FSTL5: variants seen among roughly 807,000 people sequenced by gnomAD.
FSTL5 encodes follistatin-related protein 5.
Under a neutral mutation model 89.1 loss-of-function variants are expected in FSTL5, and 62 were observed. The observed-to-expected ratio is 0.70, with a 90% CI of 0.57 to 0.86. FSTL5 has a LOEUF of 0.86. Ranked by LOEUF, FSTL5 falls within the 40% of genes least tolerant of loss-of-function variation. The pLI, the probability that FSTL5 is intolerant of heterozygous loss-of-function variation, is 0.00. For synonymous variants in FSTL5, 383 were observed against 346.2 expected, an observed-to-expected ratio of 1.11 and a Z score of -1.18; for missense variants, 1,057 against 1,001.6, an observed-to-expected ratio of 1.06 and a Z score of -0.75.
At chr4:161,473,627 T>C (rs1198764288) in intron 13 of FSTL5, among the ~76,000 whole-genome samples, 1 of 152,066 alleles carries the variant, frequency 6.6e-6, no homozygotes, top group Non-Finnish European at 1.5e-5. Flanking sequence ...AGACACCATC[T>C]CACTATGTTG....
chr4:161,476,542 A>T (rs778917260), intron 13 of FSTL5, among the ~76,000 whole-genome samples: 1 of 152,064 alleles, frequency 6.6e-6, no homozygotes, highest in Non-Finnish European at 1.5e-5. Flanking sequence ...ATTGTAGGCC[A>T]TCTCTGTTCC....
At chr4:161,468,538 G>A (rs1733827588) in intron 13 of FSTL5, among the ~76,000 whole-genome samples, 1 of 152,080 alleles carries the variant, frequency 6.6e-6, no homozygotes, top group African/African-American at 2.4e-5. Flanking sequence ...CCCAGAGCAT[G>A]TGGAAAGAAA....
intron 7 of FSTL5, among the ~76,000 whole-genome samples, chr4:161,639,775 G>T (rs1441258022): frequency 1.3e-5 from 2 of 152,114 alleles, no homozygotes; most frequent in Non-Finnish European, 2.9e-5. Context: ...AGGAGCCATG[G>T]CTGGGAAAGG....
chr4:161,529,916 T>C (rs1156993618), intron 10 of FSTL5, among the ~76,000 whole-genome samples: 1 of 143,106 alleles, frequency 7.0e-6, no homozygotes, highest in Non-Finnish European at 1.5e-5. Flanking sequence ...AAATAATTAC[T>C]AATCGATGAC....
chr4:161,412,728 A>G (rs1731635668), intron 15 of FSTL5, among the ~76,000 whole-genome samples: 1 of 152,150 alleles, frequency 6.6e-6, no homozygotes, highest in Non-Finnish European at 1.5e-5. Flanking sequence ...GCATAGATCA[A>G]TGGAACACAA....
intron 8 of FSTL5, among the ~76,000 whole-genome samples, chr4:161,559,105 C>T (rs1732496525): frequency 6.6e-6 from 1 of 151,874 alleles, no homozygotes; most frequent in African/African-American, 2.4e-5. Flanking sequence ...TTCTCCGTTT[C>T]TCAGATTAAT....
chr4:162,158,784 TA>T (rs1733580976), intron 1 of FSTL5, among the ~76,000 whole-genome samples: 1 of 152,124 alleles, frequency 6.6e-6, no homozygotes, highest in Non-Finnish European at 1.5e-5. Context: ...CTGATATCAA[TA>T]AAATATATAT....
Position 161,929,503 on chromosome 4 carries a change from A to C in FSTL5, c.161-8851T>G, listed in dbSNP as rs1025294545. 2.1e-4 allele frequency among the ~76,000 whole-genome samples: 32 copies of C among 151,714 alleles called. 1 individual carries two copies. The highest frequency in any genetic ancestry group is 7.3e-4 in the African/African-American group (30 of 41,342). On this transcript the variant is annotated intron_variant, in intron 3 of 15. Coordinates refer to ENST00000306100, the MANE Select transcript of FSTL5 (RefSeq NM_020116.5). ...TCCGTTTGTCTATATCTAAAAAGTA[A>C]GCTGGGATTTTCAATTGTGTGATAT...
Position 161,579,148 on chromosome 4 carries a change from C to T in FSTL5, c.1015+8307G>A, listed in dbSNP as rs180855498. On this transcript the variant is annotated intron_variant, in intron 8 of 15. Transcript: ENST00000306100. ...AATATACTGTGTGTTTTATAACATA[C>T]GTAGAAGTTAAATGTTTGATAATAT... 1.6e-3 allele frequency among the ~76,000 whole-genome samples: 246 copies of T among 151,914 alleles called. 1 individual carries two copies. The highest frequency in any genetic ancestry group is 5.6e-3 in the African/African-American group (230 of 41,438).
At chr4:161,938,417 C>T (rs940731706) in intron 3 of FSTL5, among the ~76,000 whole-genome samples, 3 of 151,844 alleles carry the variant, frequency 2.0e-5, no homozygotes, top group Non-Finnish European at 4.4e-5. Flanking sequence ...TAGATGTATG[C>T]CATTTAAAAG....
intron 8 of FSTL5, among the ~76,000 whole-genome samples, chr4:161,554,461 C>T (rs76195650): frequency 0.075 from 11,308 of 151,504 alleles, 526 homozygotes; most frequent in Middle Eastern, 0.17. Flanking sequence ...ATACACTGAT[C>T]TTTCTTTAGA....
chr4:161,429,240 C>T (rs992403762), intron 15 of FSTL5, among the ~76,000 whole-genome samples: 1 of 152,038 alleles, frequency 6.6e-6, no homozygotes, highest in Non-Finnish European at 1.5e-5. Context: ...CATGCTAGAC[C>T]CTGGCTCTCA....
At chr4:162,032,431 A>G (rs187252071) in intron 3 of FSTL5, 39 of 152,318 alleles carry the variant, frequency 2.6e-4, no homozygotes, top group African/African-American at 9.4e-4. Flanking sequence ...TTCGCATATA[A>G]AATAACAAGC....
intron 8 of FSTL5, among the ~76,000 whole-genome samples, chr4:161,569,213 A>G (rs536649159): frequency 1.4e-4 from 21 of 152,290 alleles, no homozygotes; most frequent in African/African-American, 4.1e-4. Context: ...ACTAGCCTCA[A>G]TGTTCCCTCC....
At chr4:162,068,367 A>G (rs2111302205) in intron 2 of FSTL5, among the ~76,000 whole-genome samples, 1 of 152,232 alleles carries the variant, frequency 6.6e-6, no homozygotes, top group South Asian at 2.1e-4. Context: ...AGACCAATGG[A>G]ACAGAATAGA....
chr4:161,637,398 T>C (rs887633717), intron 7 of FSTL5, among the ~76,000 whole-genome samples: 2 of 136,148 alleles, frequency 1.5e-5, no homozygotes, highest in African/African-American at 2.9e-5. Context: ...AAAAATTTTC[T>C]CCCATTTTGT....
chr4:161,457,478 T>A (rs1733397825), intron 14 of FSTL5, among the ~76,000 whole-genome samples: 1 of 152,176 alleles, frequency 6.6e-6, no homozygotes, highest in Non-Finnish European at 1.5e-5. Flanking sequence ...TCCAGAAGGC[T>A]GTTTTCTGTG....
intron 15 of FSTL5, among the ~76,000 whole-genome samples, chr4:161,431,785 C>T (rs1732384358): frequency 6.6e-6 from 1 of 151,838 alleles, no homozygotes; most frequent in South Asian, 2.1e-4. Context: ...TATTTTCTGC[C>T]AATGGAAACC....
chr4:161,661,626 A>G (rs1736715114), intron 6 of FSTL5, among the ~76,000 whole-genome samples: 1 of 152,204 alleles, frequency 6.6e-6, no homozygotes, highest in Admixed American at 6.5e-5. Context: ...GGTGATTTCA[A>G]AATAAATGGT....
Sources: allele counts gnomAD v4.1 joint callset (sites outside exome capture counted in the v4.1 genomes callset), GRCh38; gene constraint gnomAD v4.1.1; transcripts MANE v1.5; gene names NCBI Gene and HGNC (gene_info 2026-07-23, HGNC 2026-07-21).